Variants in SORCS1 observed in about 807,000 individuals in gnomAD.
SORCS1 encodes VPS10 domain-containing receptor SorCS1.
A neutral mutation model predicts 146.1 loss-of-function variants in SORCS1; 60 were observed. The ratio of observed to expected loss-of-function variants is 0.41; its 90% CI spans 0.33 to 0.51. The LOEUF (loss-of-function observed/expected upper bound fraction) is 0.51, where lower values mean the gene tolerates loss of function less well. Ranked by LOEUF, SORCS1 falls within the 20% of genes least tolerant of loss-of-function variation. The pLI is 0.21. For synonymous variants in SORCS1, 637 were observed against 584.0 expected, an observed-to-expected ratio of 1.09 and a Z score of -1.31; for missense variants, 1,352 against 1,487.6, an observed-to-expected ratio of 0.91 and a Z score of 1.50.
In SORCS1 at chr10:107,078,719, A is replaced by G. The variant is rs11193194; in HGVS notation, c.558+85250T>C. Among the ~76,000 whole-genome samples, 103 of 151,936 alleles carry G rather than the reference A, an allele frequency of 6.8e-4. 1 individual carries two copies. The East Asian group carries it at 0.014, about 21-fold the overall frequency. On this transcript the variant is annotated intron_variant, in intron 1 of 25. Coordinates refer to ENST00000263054, the MANE Select transcript of SORCS1 (RefSeq NM_052918.5). ...CCATCAGTGAACTTGACTTACCAAC[A>G]CCCCTCTCCTCTTCCAAGAAAACTA...
At chr10:107,171,256 AAAG>A in the SORCS1 span, among the ~76,000 whole-genome samples, 1 of 152,200 alleles carries the variant, frequency 6.6e-6, no homozygotes, top group Admixed American at 6.5e-5. Context: ...GCAGATATAA[AAAG>A]AAGAGTAGAG....
intron 5 of SORCS1, among the ~76,000 whole-genome samples, chr10:106,731,054 A>G (rs1353606865): frequency 6.6e-6 from 1 of 151,584 alleles, no homozygotes; most frequent in Non-Finnish European, 1.5e-5. Context: ...TCACGCCTGT[A>G]ATCCCAGCAC....
intron 2 of SORCS1, among the ~76,000 whole-genome samples, chr10:106,849,948 G>C (rs1949480195): frequency 6.6e-6 from 1 of 152,174 alleles, no homozygotes; most frequent in South Asian, 2.1e-4. Context: ...CCCGTTCTCA[G>C]ATCTCCAGCT....
intron 1 of SORCS1, chr10:106,970,294 A>G (rs1219703369): frequency 1.5e-5 from 2 of 133,886 alleles, no homozygotes; most frequent in African/African-American, 5.8e-5. Context: ...GTCTTCCTTG[A>G]CTCTATTATC....
chr10:106,647,017 A>G (rs201364797), intron 18 of SORCS1, among the ~76,000 whole-genome samples: 6,979 of 128,908 alleles, frequency 0.054, 277 homozygotes, highest in East Asian at 0.21. Flanking sequence ...GTATATATAT[A>G]TATATATATA....
In SORCS1 at chr10:106,960,622, C is replaced by T. The variant is rs949925658; in HGVS notation, c.559-4042G>A. Among the ~76,000 whole-genome samples the T allele has an allele frequency of 3.3e-5, 5 of 152,034 alleles. No homozygotes were observed. Among genetic ancestry groups the T allele is most frequent in the African/African-American group, 4.8e-5 (2 of 41,400 alleles). On this transcript the variant is annotated intron_variant, in intron 1 of 25. Coordinates refer to ENST00000263054, the MANE Select transcript of SORCS1 (RefSeq NM_052918.5). This position sits in a 1 kb window ranked among gnomAD's most constrained non-coding sequence, Gnocchi z 4.4. ...TTCACCATGTTGAGGAGAATGGTCT[C>T]GATCTCTTGACCTCGTGATCCACCT... is the stretch of plus-strand genomic sequence containing the variant.
intron 18 of SORCS1, among the ~76,000 whole-genome samples, chr10:106,641,604 A>C (rs1010726789): frequency 6.6e-6 from 1 of 152,150 alleles, no homozygotes; most frequent in Non-Finnish European, 1.5e-5. Context: ...TTTTATCTCT[A>C]TGCTTCTTGG....
At chr10:106,875,516 T>C (rs1950561417) in intron 2 of SORCS1, among the ~76,000 whole-genome samples, 2 of 152,186 alleles carry the variant, frequency 1.3e-5, no homozygotes, top group Non-Finnish European at 2.9e-5. Context: ...AGATTTACTC[T>C]CAGTTCTTTA....
At chr10:106,956,190 T>C (rs1954931886) in intron 2 of SORCS1, among the ~76,000 whole-genome samples, 1 of 151,860 alleles carries the variant, frequency 6.6e-6, no homozygotes, top group South Asian at 2.1e-4. Flanking sequence ...GAGGCTGTGC[T>C]GATTCTTCTG....
intron 2 of SORCS1, among the ~76,000 whole-genome samples, chr10:106,950,875 G>A (rs752053755): frequency 6.6e-6 from 1 of 152,052 alleles, no homozygotes; most frequent in Non-Finnish European, 1.5e-5. Flanking sequence ...CATCATGCCA[G>A]ACACACAGTG....
chr10:106,761,264 A>T (rs1252903997), intron 5 of SORCS1, among the ~76,000 whole-genome samples: 8 of 152,206 alleles, frequency 5.3e-5, no homozygotes, highest in Non-Finnish European at 2.9e-5. Flanking sequence ...TTAATAATAA[A>T]AAGTCACTAT....
chr10:107,178,009 G>C, the SORCS1 span, among the ~76,000 whole-genome samples: 1,669 of 152,172 alleles, frequency 0.011, 22 homozygotes, highest in Non-Finnish European at 0.012. Context: ...TGGAGCATTG[G>C]GGGTGGGAGG....
intron 6 of SORCS1, among the ~76,000 whole-genome samples, chr10:106,727,070 A>G (rs1254843073): frequency 6.6e-6 from 1 of 150,606 alleles, no homozygotes; most frequent in Admixed American, 6.6e-5. Context: ...TGCGTGACAG[A>G]GCGAGACTCT....
intron 19 of SORCS1, 49 bp downstream of exon 19, chr10:106,629,153 G>T (rs753374326): frequency 1.3e-6 from 2 of 1,515,966 alleles, no homozygotes; most frequent in Non-Finnish European, 9.0e-7. Context: ...AATTTGAAAA[G>T]GACACAATAT....
chr10:106,984,348 T>C (rs1157004284), intron 1 of SORCS1, among the ~76,000 whole-genome samples: 11 of 152,082 alleles, frequency 7.2e-5, no homozygotes, highest in Admixed American at 5.9e-4. Flanking sequence ...TGCAAGACTT[T>C]AGACAGAGCT....
At chr10:106,841,177 T>C (rs887410605) in intron 2 of SORCS1, among the ~76,000 whole-genome samples, 7 of 152,242 alleles carry the variant, frequency 4.6e-5, no homozygotes, top group Non-Finnish European at 1.0e-4. Flanking sequence ...GATTAAAATA[T>C]GTACATTGGT....
chr10:107,108,220 C>T (rs113813554), intron 1 of SORCS1, among the ~76,000 whole-genome samples: 1,858 of 152,324 alleles, frequency 0.012, 33 homozygotes, highest in African/African-American at 0.042. Context: ...TATCCTGAAG[C>T]ATCCTTGCAT....
At chr10:106,716,704 A>G (rs1420698978) in intron 6 of SORCS1, among the ~76,000 whole-genome samples, 3 of 152,188 alleles carry the variant, frequency 2.0e-5, no homozygotes, top group Admixed American at 2.0e-4. Context: ...TGGGGCTTAG[A>G]CAAACCTTTC....
chr10:106,956,924 G>A (rs1021305268), intron 1 of SORCS1, among the ~76,000 whole-genome samples: 6 of 152,186 alleles, frequency 3.9e-5, no homozygotes, highest in African/African-American at 1.4e-4. Flanking sequence ...GCAGATGCCT[G>A]GGAGAAAGGA....
Sources: allele counts gnomAD v4.1 joint callset (sites outside exome capture counted in the v4.1 genomes callset), GRCh38; gene constraint gnomAD v4.1.1; non-coding constraint Gnocchi (gnomAD v3.1); transcripts MANE v1.5; gene names NCBI Gene and HGNC (gene_info 2026-07-23, HGNC 2026-07-21).